Variants in SNF8 observed in about 807,000 individuals in gnomAD.
The protein encoded by SNF8 is SNF8 subunit of ESCRT-II, also known as vacuolar-sorting protein SNF8.
SNF8 carries 19 observed loss-of-function variants against 36.8 expected under a neutral mutation model. The ratio of observed to expected loss-of-function variants is 0.52; its 90% CI spans 0.36 to 0.76. SNF8 has a LOEUF of 0.76. Ranked by LOEUF, SNF8 falls within the 30% of genes least tolerant of loss-of-function variation. SNF8 has a pLI of 0.00. For synonymous variants in SNF8, 127 were observed against 127.4 expected (o/e 1.00, Z 0.02); for missense variants, 268 against 322.9 (o/e 0.83, Z 1.30).
intron 2 of SNF8, 30 bp from the exon 3 acceptor site, chr17:48,941,092 C>A: frequency 1.2e-6 from 2 of 1,605,742 alleles, no homozygotes; most frequent in South Asian, 2.2e-5. Flanking sequence ...TGGTGAAGGG[C>A]AGCCCAGCCA....
rs947760238 is a variant in SNF8, at chr17:48,933,440, T to C, written c.423-94A>G. 15 of 1,398,466 alleles carry C rather than the reference T, an allele frequency of 1.1e-5. No homozygotes were observed. The South Asian group carries it at 1.9e-4, about 17-fold the overall frequency. 86.6% of individuals were successfully genotyped at this position (1,398,466 alleles called of 1,614,324 possible). On this transcript the variant is annotated intron_variant, in intron 5 of 7. Transcript: ENST00000502492. Reference sequence around the variant, plus strand: ...CCCTGGGCAGGATACTGACAGAAAATTTAGAAGACTGCACAACTGCCAGGC... The same window carrying C: ...CCCTGGGCAGGATACTGACAGAAAACTTAGAAGACTGCACAACTGCCAGGC...
chr17:48,934,610 CA>C (rs373704961), intron 5 of SNF8: 294 of 146,588 alleles, frequency 2.0e-3, no homozygotes, highest in South Asian at 6.7e-3. Context: ...TTTCAAAAAA[CA>C]AAAAAAAAAA....
At position 48,931,735 on chromosome 17, in the gene SNF8, G is replaced by A. The variant is rs1271933231; in HGVS notation, c.565-18C>T. On this transcript the variant is annotated intron_variant, in intron 6 of 7. Coordinates refer to ENST00000502492, the MANE Select transcript of SNF8 (RefSeq NM_007241.4). ...CCATTCTTCTGAAGGAAGGAGGAAT[G>A]GGGATTGAATCAGTTAAGAGTGCAC... 6 of 1,607,144 alleles carry A rather than the reference G, an allele frequency of 3.7e-6. No homozygotes were observed. Among genetic ancestry groups the A allele is most frequent in the Admixed American group, 1.7e-5 (1 of 59,734 alleles).
At chr17:48,932,834 G>T in intron 6 of SNF8, 1 of 176,428 alleles carries the variant, frequency 5.7e-6, no homozygotes, top group Non-Finnish European at 1.2e-5. Flanking sequence ...GATGAGGGAT[G>T]GGGGCATGGC....
intron 2 of SNF8, among the ~76,000 whole-genome samples, chr17:48,942,217 C>A (rs2041039023): frequency 6.6e-6 from 1 of 151,904 alleles, no homozygotes. Context: ...GCACTCCTAG[C>A]CCAATATTTA....
chr17:48,931,828 G>T, intron 6 of SNF8, 111 bp from the exon 7 acceptor site: 2 of 762,984 alleles, frequency 2.6e-6, no homozygotes, highest in Non-Finnish European at 4.3e-6. Context: ...AAGCTGTCAA[G>T]CATGAGAGAA....
Position 48,931,684 on chromosome 17 carries a change from C to A in SNF8, c.598G>T (p.Ala200Ser), listed in dbSNP as rs752051406. Residue 200 changes from alanine to serine, a missense_variant, in exon 7 of 8, where the codon GCC becomes TCC. Coordinates refer to ENST00000502492, the MANE Select transcript of SNF8 (RefSeq NM_007241.4). The part of the protein sequence containing the change: ...NGYVTVSEIK[A>S]SLKWETERAR... ...CGCTCGGTCTCCCATTTAAGACTGG[C>A]TTTGATCTCACTGACAGTCACGTAG... is the stretch of plus-strand genomic sequence containing the variant. The A allele has an allele frequency of 6.8e-6, 11 of 1,613,436 alleles. No homozygotes were observed. The highest frequency in any genetic ancestry group is 9.3e-6 in the Non-Finnish European group (11 of 1,179,702).
Position 48,930,518 on chromosome 17 carries a change from G to A in SNF8, c.734C>T (p.Ser245Phe), listed in dbSNP as rs777577757. 4 of 1,612,328 alleles carry A rather than the reference G, an allele frequency of 2.5e-6. 1 individual carries two copies. The South Asian group carries it at 3.3e-5, about 13-fold the overall frequency. Reference sequence around the variant, plus strand: ...GGCCTCCTCAGCTGTAATCTCCTGGGAGTAGAGGTCAGTGAAGAGAGCTGG... The same window carrying A: ...GGCCTCCTCAGCTGTAATCTCCTGGAAGTAGAGGTCAGTGAAGAGAGCTGG... ...WLPALFTDLY[S>F]QEITAEEARE... The change falls in exon 8 of 8, where the codon TCC becomes TTC. Residue 245 changes from serine (S) to phenylalanine (F), a missense_variant. By Grantham distance (155) the Ser-to-Phe change is radical. Transcript: ENST00000502492.
At chr17:48,935,064 T>C (rs1193573305) in intron 5 of SNF8, among the ~76,000 whole-genome samples, 1 of 152,140 alleles carries the variant, frequency 6.6e-6, no homozygotes, top group African/African-American at 2.4e-5. Flanking sequence ...TGGCCTCAAA[T>C]AATCTCACGA....
rs200596930 is a variant in SNF8, at chr17:48,943,961, C to A, written c.69G>T (p.Glu23Asp). ...GGTCCTCAGCCAAGACCGTCCCTCGCTCCTTATACTTGGCCTGTCAGACAA... is the reference window on the plus strand; with the variant it reads ...GGTCCTCAGCCAAGACCGTCCCTCGATCCTTATACTTGGCCTGTCAGACAA... Reference protein sequence around the residue: ...KKKLAEAKYKERGTVLAEDQL... With the variant: ...KKKLAEAKYKDRGTVLAEDQL... Residue 23 changes from glutamate to aspartate, a missense_variant, in exon 2 of 8, where the codon GAG becomes GAT. Coordinates refer to ENST00000502492, the MANE Select transcript of SNF8 (RefSeq NM_007241.4). The A allele has an allele frequency of 6.2e-7, 1 of 1,613,998 alleles. No homozygotes were observed. The highest frequency in any genetic ancestry group is 8.5e-7 in the Non-Finnish European group (1 of 1,179,940).
intron 3 of SNF8, among the ~76,000 whole-genome samples, chr17:48,938,265 G>C (rs1354950653): frequency 6.6e-6 from 1 of 152,086 alleles, no homozygotes; most frequent in Non-Finnish European, 1.5e-5. Flanking sequence ...GGGAGGCAGA[G>C]GCAGGCGGAT....
chr17:48,942,344 A>G (rs1481112816), intron 2 of SNF8, among the ~76,000 whole-genome samples: 1 of 151,994 alleles, frequency 6.6e-6, no homozygotes, highest in East Asian at 1.9e-4. Flanking sequence ...TCTCAAAAAA[A>G]AAAAAAAAAG....
At chr17:48,944,510 A>G (rs946962006) in intron 1 of SNF8, among the ~76,000 whole-genome samples, 171 bp downstream of exon 1, 2 of 152,230 alleles carry the variant, frequency 1.3e-5, no homozygotes, top group African/African-American at 4.8e-5. Flanking sequence ...AGGGCTGGGC[A>G]TCTGGGAACG....
chr17:48,930,942 G>C (rs1451963360), intron 7 of SNF8, among the ~76,000 whole-genome samples: 3 of 152,192 alleles, frequency 2.0e-5, no homozygotes, highest in African/African-American at 4.8e-5. Flanking sequence ...CCCAGAAACT[G>C]TTAAACAGAG....
intron 3 of SNF8, among the ~76,000 whole-genome samples, chr17:48,938,339 A>C (rs1054169101): frequency 6.6e-6 from 1 of 151,848 alleles, no homozygotes; most frequent in Non-Finnish European, 1.5e-5. Flanking sequence ...TCTACTAAAA[A>C]TACAAAATTG....
In SNF8 at chr17:48,940,500, G is replaced by A. The variant is rs187160341; in HGVS notation, c.244+424C>T. Among the ~76,000 whole-genome samples the A allele has an allele frequency of 1.1e-3, 172 of 151,716 alleles. 2 individuals carry two copies. Among genetic ancestry groups the A allele is most frequent in the African/African-American group, 4.0e-3 (165 of 41,396 alleles). On this transcript the variant is annotated intron_variant, in intron 3 of 7. Transcript: ENST00000502492. The stretch of plus-strand genomic sequence containing the variant: ...ATCCTGCTAGGTACTCCCTAAAGAC[G>A]ACACCCTTGGCCAGGCGCAGTGGCT...
At chr17:48,944,560 G>C (rs2041076319) in intron 1 of SNF8, 121 bp downstream of exon 1, 1 of 1,120,760 alleles carries the variant, frequency 8.9e-7, no homozygotes, top group Non-Finnish European at 1.3e-6. Context: ...CTGTGTCCCG[G>C]GGCCGAGAAG....
At position 48,944,693 on chromosome 17, in the gene SNF8, C is replaced by T; in HGVS notation, c.42G>A (p.Lys14=). ...TCTTCCTGCTCACCTCTGCAAGTTT[C>T]TTCTTGGCGATGGCGCCAGCTCCCA... ...RGVGAGAIAK[K]KLAEAKYKER... is the part of the protein sequence containing the mutation. Residue 14 remains lysine (K), a synonymous_variant, in exon 1 of 8, where the codon AAG becomes AAA. Coordinates refer to ENST00000502492, the MANE Select transcript of SNF8 (RefSeq NM_007241.4). 5.6e-6 allele frequency: 9 copies of T among 1,612,476 alleles called. No homozygotes were observed. Among genetic ancestry groups the T allele is most frequent in the Non-Finnish European group, 7.6e-6 (9 of 1,179,330 alleles).
At chr17:48,931,117 C>T (rs890547989) in intron 7 of SNF8, among the ~76,000 whole-genome samples, 1 of 152,068 alleles carries the variant, frequency 6.6e-6, no homozygotes, top group Non-Finnish European at 1.5e-5. Context: ...CCCCATTTTA[C>T]AGATGAAAGG....
Sources: gnomAD v4.1 joint callset for allele counts (sites outside exome capture counted in the v4.1 genomes callset) on GRCh38, gnomAD v4.1.1 for gene constraint, MANE v1.5 for transcripts, NCBI Gene and HGNC (gene_info 2026-07-23, HGNC 2026-07-21) for gene names.